The following FRMD4A variants were observed in gnomAD, a reference collection of about 807,000 sequenced individuals.
FRMD4A encodes FERM domain-containing protein 4A.
Under a neutral mutation model 129.1 loss-of-function variants are expected in FRMD4A, and 29 were observed. The observed-to-expected ratio is 0.22, with a 90% CI of 0.17 to 0.31. FRMD4A has a LOEUF of 0.31. FRMD4A is among the 10% of genes least tolerant of loss of function. FRMD4A has a pLI of 1.00. For synonymous variants in FRMD4A, 634 were observed against 571.6 expected (o/e 1.11, Z -1.56); for missense variants, 1,272 against 1,375.8 (o/e 0.92, Z 1.19).
chr10:13,689,181 A>G (rs968078600), intron 15 of FRMD4A, among the ~76,000 whole-genome samples: 23 of 76,756 alleles, frequency 3.0e-4, no homozygotes, highest in Middle Eastern at 9.6e-3. Context: ...ATCAATGAGC[A>G]GTACACAAAC....
chr10:13,665,698 T>C (rs922055312), intron 18 of FRMD4A, among the ~76,000 whole-genome samples: 1 of 152,162 alleles, frequency 6.6e-6, no homozygotes, highest in African/African-American at 2.4e-5. Flanking sequence ...CAGGGATCAC[T>C]GCTGCTGTGT....
At chr10:14,146,693 A>G (rs1266722746) in intron 2 of FRMD4A, among the ~76,000 whole-genome samples, 1 of 152,178 alleles carries the variant, frequency 6.6e-6, no homozygotes, top group East Asian at 1.9e-4. Flanking sequence ...GTTCCATGGA[A>G]TCTAGTTCTC....
chr10:13,866,301 A>G, intron 2 of FRMD4A: 1 of 979,324 alleles, frequency 1.0e-6, no homozygotes, highest in Non-Finnish European at 1.2e-6. Context: ...CCCTTAAACC[A>G]CAGGACACCC....
At chr10:14,143,418 T>C (rs980346114) in intron 2 of FRMD4A, among the ~76,000 whole-genome samples, 2 of 152,262 alleles carry the variant, frequency 1.3e-5, no homozygotes, top group Non-Finnish European at 2.9e-5. Flanking sequence ...TAAATAAGTT[T>C]ACTGTTATAG....
chr10:14,175,171 T>C lies in FRMD4A; in HGVS notation c.45+154887A>G, dbSNP rs144881013. 4.1e-3 allele frequency among the ~76,000 whole-genome samples: 630 copies of C among 152,338 alleles called. 3 individuals carry two copies. The highest frequency in any genetic ancestry group is 0.014 in the African/African-American group (570 of 41,562). ...CCTTAAATGTGGCTACACACATCTA[T>C]GCCATCACCAAGGGGCCAGGACCCC... is the stretch of plus-strand genomic sequence containing the variant. On this transcript the variant is annotated intron_variant, in intron 2 of 24. Transcript: ENST00000357447.
In FRMD4A at chr10:13,657,494, G is replaced by A; in HGVS notation, c.2095C>T (p.His699Tyr). 6.2e-7 allele frequency: 1 copy of A among 1,604,654 alleles called. No homozygotes were observed. ...RSVDISPTRL[H>Y]SLALHFRHRS... Reference sequence around the variant, plus strand: ...TGCCTAAAGTGCAGTGCGAGGCTGTGCAGTCGGGTGGGGCTGATGTCCACC... The same window carrying A: ...TGCCTAAAGTGCAGTGCGAGGCTGTACAGTCGGGTGGGGCTGATGTCCACC... Residue 699 changes from histidine to tyrosine, a missense_variant, in exon 22 of 25, where the codon CAC becomes TAC. His to Tyr is a moderately conservative substitution (Grantham distance 83). This residue lies in a region of FRMD4A where 972 missense variants were observed against 892.3 expected (regional missense o/e 1.09). Coordinates refer to ENST00000357447, the MANE Select transcript of FRMD4A (RefSeq NM_018027.5).
intron 12 of FRMD4A, chr10:13,712,113 C>T (rs1011223356): frequency 5.9e-5 from 9 of 152,250 alleles, no homozygotes; most frequent in African/African-American, 2.2e-4. Flanking sequence ...TCCTTCTATC[C>T]TTGGAGTCCT....
At chr10:13,808,356 TA>T (rs1275337116) in intron 4 of FRMD4A, among the ~76,000 whole-genome samples, 1 of 152,188 alleles carries the variant, frequency 6.6e-6, no homozygotes, top group Admixed American at 6.5e-5. Flanking sequence ...CATGCAGAAT[TA>T]GAAAACACGG....
intron 2 of FRMD4A, among the ~76,000 whole-genome samples, chr10:13,947,791 A>G (rs1481244415): frequency 1.3e-5 from 2 of 152,176 alleles, no homozygotes; most frequent in Non-Finnish European, 2.9e-5. Context: ...CAAATGCCTC[A>G]TTGGATGGTT....
chr10:13,671,743 C>T (rs1041667420), intron 16 of FRMD4A, among the ~76,000 whole-genome samples: 1 of 152,226 alleles, frequency 6.6e-6, no homozygotes, highest in African/African-American at 2.4e-5. Context: ...AGAGGCCAGG[C>T]ATCAAATTCA....
intron 12 of FRMD4A, among the ~76,000 whole-genome samples, chr10:13,730,982 C>T (rs1015179096): frequency 2.6e-5 from 4 of 151,192 alleles, no homozygotes; most frequent in Non-Finnish European, 4.4e-5. Flanking sequence ...GAGCCAATAT[C>T]GTGCCACTGC....
intron 22 of FRMD4A, among the ~76,000 whole-genome samples, chr10:13,656,180 G>A (rs1018752952): frequency 6.6e-6 from 1 of 152,140 alleles, no homozygotes; most frequent in African/African-American, 2.4e-5. Flanking sequence ...CCCCATCTGG[G>A]GAGACACTGG....
chr10:14,274,296 G>A (rs965443154), intron 2 of FRMD4A, among the ~76,000 whole-genome samples: 5 of 152,148 alleles, frequency 3.3e-5, no homozygotes, highest in African/African-American at 1.2e-4. Flanking sequence ...AGCAGATTAC[G>A]ATCACCATGA....
chr10:14,278,512 CA>C (rs1287736094), intron 2 of FRMD4A, among the ~76,000 whole-genome samples: 2 of 152,206 alleles, frequency 1.3e-5, no homozygotes, highest in Non-Finnish European at 2.9e-5. Context: ...GTCTTCCTTT[CA>C]GCGACTCCTC....
intron 2 of FRMD4A, chr10:14,008,083 G>GA: frequency 7.7e-7 from 1 of 1,303,550 alleles, no homozygotes; most frequent in South Asian, 1.2e-5. Context: ...CGCCTTCTCA[G>GA]AGATCCATAA....
intron 2 of FRMD4A, among the ~76,000 whole-genome samples, chr10:13,942,941 GC>G (rs142710051): frequency 5.6e-4 from 82 of 146,520 alleles, no homozygotes; most frequent in East Asian, 2.8e-3. Context: ...CAACAAAAAG[GC>G]AAAAAAAAAA....
intron 15 of FRMD4A, among the ~76,000 whole-genome samples, chr10:13,687,684 A>C (rs2085223423): frequency 6.6e-6 from 1 of 152,246 alleles, no homozygotes; most frequent in Non-Finnish European, 1.5e-5. Flanking sequence ...TGAAAGCAAC[A>C]GAGAGACGCA....
chr10:13,921,378 C>T (rs574345097), intron 2 of FRMD4A, among the ~76,000 whole-genome samples: 50 of 152,198 alleles, frequency 3.3e-4, no homozygotes, highest in African/African-American at 1.2e-3. Context: ...CCTCCCACTT[C>T]AGCCTCCTAA....
At chr10:13,900,430 C>T (rs998349268) in intron 2 of FRMD4A, among the ~76,000 whole-genome samples, 1 of 152,248 alleles carries the variant, frequency 6.6e-6, no homozygotes, top group South Asian at 2.1e-4. Flanking sequence ...GAAACACAGA[C>T]AAGAATCAAT....
Sources: gnomAD v4.1 joint callset for allele counts (sites outside exome capture counted in the v4.1 genomes callset) on GRCh38, gnomAD v4.1.1 for gene constraint, gnomAD v4.1.1 regional missense constraint, MANE v1.5 for transcripts, NCBI Gene and HGNC (gene_info 2026-07-23, HGNC 2026-07-21) for gene names.